B3GALT1: variants seen among roughly 807,000 people sequenced by gnomAD.
B3GALT1 encodes the protein beta-1,3-galactosyltransferase 1, also known as UDP-Gal:betaGlcNAc beta 1,3-galactosyltransferase, polypeptide 1.
A neutral mutation model predicts 23.2 loss-of-function variants in B3GALT1; 10 were observed. The observed-to-expected ratio is 0.43, with a 90% CI of 0.27 to 0.73. B3GALT1 has a LOEUF of 0.73. Among genes scored for constraint, B3GALT1 ranks in the 30% least tolerant of loss-of-function variants. B3GALT1 has a pLI of 0.21. For missense variants in B3GALT1, 299 were observed against 405.4 expected (o/e 0.74, Z 2.25); for synonymous variants, 156 against 141.5 (o/e 1.10, Z -0.73).
intron 1 of B3GALT1, among the ~76,000 whole-genome samples, chr2:167,431,323 C>T (rs1698701400): frequency 6.6e-6 from 1 of 152,100 alleles, no homozygotes; most frequent in African/African-American, 2.4e-5. Flanking sequence ...TTCAGAGAAC[C>T]ATTACGAATC....
intron 2 of B3GALT1, among the ~76,000 whole-genome samples, chr2:167,644,243 C>T (rs1685705168): frequency 6.6e-6 from 1 of 152,072 alleles, no homozygotes; most frequent in Non-Finnish European, 1.5e-5. Context: ...AAAGCAAGAA[C>T]ACAGATGAAT....
intron 3 of B3GALT1, among the ~76,000 whole-genome samples, chr2:167,685,827 G>A (rs1355622741): frequency 6.6e-6 from 1 of 152,220 alleles, no homozygotes; most frequent in African/African-American, 2.4e-5. Context: ...CTTAGAGGAA[G>A]GAGCCGAAAG....
In B3GALT1 at chr2:167,601,178, G is replaced by GCCTCT. The variant is rs368292591; in HGVS notation, c.-409-45729_-409-45725dup. Among the ~76,000 whole-genome samples the GCCTCT allele has an allele frequency of 7.2e-3, 1,093 of 152,250 alleles. 15 individuals are homozygous for GCCTCT. Among genetic ancestry groups the GCCTCT allele is most frequent in the African/African-American group, 0.025 (1,032 of 41,546 alleles). ...TGGTTCAAGCGATTCTCCTGCCTCAGCCTCTCGAGTAGCTGGAATTACAGG... is the reference window on the plus strand; with the variant it reads ...TGGTTCAAGCGATTCTCCTGCCTCAGCCTCTCCTCTCGAGTAGCTGGAATTACAGG... On this transcript the variant is annotated intron_variant, in intron 2 of 4. Coordinates refer to ENST00000392690, the MANE Select transcript of B3GALT1 (RefSeq NM_020981.4).
In B3GALT1 at chr2:167,560,559, G is replaced by T. The variant is rs770845701; in HGVS notation, c.-410+70282G>T. ...CATCAGCATGCTGTATTCAGGAAAC[G>T]CATCTCATGTGCAGAGACACACATA... On this transcript the variant is annotated intron_variant, in intron 2 of 4. Transcript: ENST00000392690. Among the ~76,000 whole-genome samples the T allele has an allele frequency of 2.0e-5, 3 of 152,226 alleles. No individual in the cohort carries two copies. In the South Asian group the frequency reaches 6.2e-4, roughly 32 times the overall value.
intron 3 of B3GALT1, among the ~76,000 whole-genome samples, chr2:167,790,748 T>A (rs983831357): frequency 1.3e-5 from 2 of 152,222 alleles, no homozygotes; most frequent in Admixed American, 1.3e-4. Flanking sequence ...GGTTAGCTCC[T>A]TCCATCAAAA....
intron 1 of B3GALT1, among the ~76,000 whole-genome samples, chr2:167,316,190 T>C (rs1696715278): frequency 6.6e-6 from 1 of 150,870 alleles, no homozygotes; most frequent in Middle Eastern, 3.2e-3. Context: ...GTTTTCTTTT[T>C]CCTTGGGAGG....
chr2:167,439,539 T>C (rs904221390), intron 1 of B3GALT1, among the ~76,000 whole-genome samples: 1 of 151,982 alleles, frequency 6.6e-6, no homozygotes, highest in Non-Finnish European at 1.5e-5. Context: ...TTCTAGCTTA[T>C]TTCTCTTTTT....
At chr2:167,465,276 T>A (rs1559105590) in intron 1 of B3GALT1, among the ~76,000 whole-genome samples, 1 of 152,224 alleles carries the variant, frequency 6.6e-6, no homozygotes, top group Non-Finnish European at 1.5e-5. Flanking sequence ...ATACAGTGTG[T>A]ATGTTTTTAA....
chr2:167,657,074 A>G (rs1685967621), intron 3 of B3GALT1, among the ~76,000 whole-genome samples: 1 of 152,116 alleles, frequency 6.6e-6, no homozygotes, highest in African/African-American at 2.4e-5. Flanking sequence ...CAAGAGTGGT[A>G]TCATTCTCTG....
intron 3 of B3GALT1, chr2:167,713,627 G>C (rs1558956949): frequency 2.6e-6 from 3 of 1,158,640 alleles, no homozygotes; most frequent in Non-Finnish European, 3.7e-6. Context: ...ATCAGTCAAA[G>C]TTGCTTTTGA....
intron 1 of B3GALT1, among the ~76,000 whole-genome samples, chr2:167,320,437 G>A (rs1329972139): frequency 1.3e-5 from 2 of 152,044 alleles, no homozygotes; most frequent in African/African-American, 4.8e-5. Context: ...TGATCTGCCC[G>A]CCTTGGCCTC....
chr2:167,719,802 C>T (rs1444363030), intron 3 of B3GALT1, among the ~76,000 whole-genome samples: 1 of 151,962 alleles, frequency 6.6e-6, no homozygotes, highest in Non-Finnish European at 1.5e-5. Context: ...TATGGTGGCA[C>T]GTGCCTGTAA....
intron 2 of B3GALT1, among the ~76,000 whole-genome samples, chr2:167,603,746 T>C (rs1263098562): frequency 1.3e-5 from 2 of 152,214 alleles, no homozygotes; most frequent in Admixed American, 1.3e-4. Flanking sequence ...TTCTTTCCCT[T>C]GAAGTTCAAA....
intron 2 of B3GALT1, among the ~76,000 whole-genome samples, chr2:167,558,621 G>T (rs565179139): frequency 2.0e-5 from 3 of 152,168 alleles, no homozygotes; most frequent in African/African-American, 2.4e-5. Context: ...GCGCTTTTCC[G>T]ACGGGCTTAG....
chr2:167,462,136 G>A (rs1247701573), intron 1 of B3GALT1, among the ~76,000 whole-genome samples: 2 of 152,078 alleles, frequency 1.3e-5, no homozygotes, highest in Non-Finnish European at 2.9e-5. Context: ...AACCTCAAGA[G>A]CATATAGTAA....
rs1211652185 is a variant in B3GALT1, at chr2:167,747,647, AG to A, written c.-351-71024del. Among the ~76,000 whole-genome samples the A allele has an allele frequency of 2.0e-5, 3 of 152,364 alleles. No homozygotes were observed. In the East Asian group the frequency reaches 5.8e-4, roughly 29 times the overall value. Reference sequence around the variant, plus strand: ...TGTGATTTTATGTTTAAGTGAAGAAAGCAAACATCCACATGAATACCGTGTG... The same window carrying A: ...TGTGATTTTATGTTTAAGTGAAGAAACAAACATCCACATGAATACCGTGTG... On this transcript the variant is annotated intron_variant, in intron 3 of 4. Coordinates refer to ENST00000392690, the MANE Select transcript of B3GALT1 (RefSeq NM_020981.4).
chr2:167,670,103 G>A (rs1489667967), intron 3 of B3GALT1, among the ~76,000 whole-genome samples: 1 of 152,132 alleles, frequency 6.6e-6, no homozygotes, highest in Non-Finnish European at 1.5e-5. Flanking sequence ...TTATACAGCT[G>A]GCATCCTGTG....
At chr2:167,303,476 C>G (rs879884223) in intron 1 of B3GALT1, among the ~76,000 whole-genome samples, 1 of 151,966 alleles carries the variant, frequency 6.6e-6, no homozygotes, top group Non-Finnish European at 1.5e-5. Context: ...TGGGAGAATA[C>G]CTCTGGAAGA....
chr2:167,815,474 G>C (rs1470265446), intron 3 of B3GALT1, among the ~76,000 whole-genome samples: 1 of 152,152 alleles, frequency 6.6e-6, no homozygotes, highest in Non-Finnish European at 1.5e-5. Context: ...ACACAAACCA[G>C]GATCAAATGT....
Sources: gnomAD v4.1 joint callset for allele counts (sites outside exome capture counted in the v4.1 genomes callset) on GRCh38, gnomAD v4.1.1 for gene constraint, MANE v1.5 for transcripts, NCBI Gene and HGNC (gene_info 2026-07-23, HGNC 2026-07-21) for gene names.